Variants in CYP7B1 observed in about 807,000 individuals in gnomAD.
The protein encoded by CYP7B1 is cytochrome P450 7B1.
In CYP7B1, 29 loss-of-function variants were observed where a neutral mutation model predicts 42.7. The observed-to-expected ratio is 0.68, with a 90% CI of 0.51 to 0.93. CYP7B1 has a LOEUF of 0.93. CYP7B1 is among the 40% of genes least tolerant of loss of function. The pLI is 0.00. For synonymous variants in CYP7B1, 235 were observed against 218.2 expected (o/e 1.08, Z -0.68); for missense variants, 655 against 600.5 (o/e 1.09, Z -0.95).
chr8:64,753,032 A>G (rs1182136233), intron 1 of CYP7B1, among the ~76,000 whole-genome samples: 4 of 152,178 alleles, frequency 2.6e-5, no homozygotes, highest in African/African-American at 9.7e-5. Context: ...AAGAGTGTGC[A>G]AAAATTAAAG....
At chr8:64,726,514 G>T (rs780746026) in intron 1 of CYP7B1, among the ~76,000 whole-genome samples, 14 of 152,146 alleles carry the variant, frequency 9.2e-5, no homozygotes, top group Non-Finnish European at 1.6e-4. Context: ...CTAGATTGAA[G>T]TCAGGGTTGC....
downstream of CYP7B1, among the ~76,000 whole-genome samples, chr8:64,588,839 G>T (rs1001795401): frequency 1.1e-4 from 17 of 152,226 alleles, no homozygotes; most frequent in Non-Finnish European, 2.4e-4. Flanking sequence ...GAAAGGAAAT[G>T]ATTTTCCTAA....
chr8:64,745,868 A>G (rs1241301341), intron 1 of CYP7B1, among the ~76,000 whole-genome samples: 2 of 152,160 alleles, frequency 1.3e-5, no homozygotes, highest in African/African-American at 4.8e-5. Context: ...CTTAGAAACA[A>G]TGGGCTGGTT....
chr8:64,706,385 A>G (rs977724128), intron 1 of CYP7B1, among the ~76,000 whole-genome samples: 1 of 152,040 alleles, frequency 6.6e-6, no homozygotes, highest in Middle Eastern at 3.2e-3. Context: ...TCCTGAAACA[A>G]TCATTCTTTC....
intron 1 of CYP7B1, among the ~76,000 whole-genome samples, chr8:64,737,498 C>T (rs1288627869): frequency 6.6e-6 from 1 of 152,152 alleles, no homozygotes; most frequent in Admixed American, 6.5e-5. Context: ...CATAATCCAG[C>T]TTTTTCATCC....
intron 1 of CYP7B1, among the ~76,000 whole-genome samples, chr8:64,761,995 A>G (rs1807898015): frequency 6.6e-6 from 1 of 152,220 alleles, no homozygotes; most frequent in Non-Finnish European, 1.5e-5. Flanking sequence ...GGCATGTTCC[A>G]AAGTTGAAGT....
intron 4 of CYP7B1, 75 bp from the exon 5 acceptor site, chr8:64,604,932 C>G: frequency 6.9e-7 from 1 of 1,455,620 alleles, no homozygotes; most frequent in Non-Finnish European, 9.4e-7. Context: ...TGCAATAAAA[C>G]TCATTACTAA....
chr8:64,730,117 A>T (rs1189324757), intron 1 of CYP7B1, among the ~76,000 whole-genome samples: 1 of 152,198 alleles, frequency 6.6e-6, no homozygotes, highest in Non-Finnish European at 1.5e-5. Flanking sequence ...GCTGGAATGC[A>T]GTGGTACCAT....
intron 1 of CYP7B1, among the ~76,000 whole-genome samples, chr8:64,683,637 G>C (rs1171979650): frequency 6.6e-6 from 1 of 152,128 alleles, no homozygotes; most frequent in Non-Finnish European, 1.5e-5. Context: ...AGTGATGCTT[G>C]AGGAGATGGA....
intron 1 of CYP7B1, among the ~76,000 whole-genome samples, chr8:64,691,005 T>C (rs1416474863): frequency 6.6e-6 from 1 of 152,208 alleles, no homozygotes; most frequent in Non-Finnish European, 1.5e-5. Context: ...TTCTGTTCTA[T>C]AACGCTCTGG....
chr8:64,655,316 G>A (rs1806105252), intron 1 of CYP7B1, among the ~76,000 whole-genome samples: 1 of 151,862 alleles, frequency 6.6e-6, no homozygotes, highest in Non-Finnish European at 1.5e-5. Flanking sequence ...AAACAGACAA[G>A]CTTACAAAAG....
intron 1 of CYP7B1, among the ~76,000 whole-genome samples, chr8:64,681,813 T>TC (rs1806542915): frequency 6.6e-6 from 1 of 152,176 alleles, no homozygotes; most frequent in Non-Finnish European, 1.5e-5. Context: ...GCTCAGCCTT[T>TC]CCCAGATTCT....
intron 1 of CYP7B1, among the ~76,000 whole-genome samples, chr8:64,675,549 TTTC>T (rs1806433622): frequency 6.6e-6 from 1 of 151,554 alleles, no homozygotes; most frequent in Admixed American, 6.6e-5. Context: ...TACATTGAAA[TTTC>T]TTCTTTATTA....
intron 1 of CYP7B1, among the ~76,000 whole-genome samples, chr8:64,684,160 T>A (rs1806584828): frequency 6.6e-6 from 1 of 152,292 alleles, no homozygotes; most frequent in Non-Finnish European, 1.5e-5. Context: ...ATTCAGCAAA[T>A]AATTGTTAAA....
intron 2 of CYP7B1, among the ~76,000 whole-genome samples, chr8:64,618,565 T>G (rs545610055): frequency 7.0e-5 from 10 of 141,882 alleles, no homozygotes; most frequent in Non-Finnish European, 1.6e-4. Context: ...ATACACACAT[T>G]CATTTTCTCT....
intron 1 of CYP7B1, among the ~76,000 whole-genome samples, chr8:64,696,657 A>G (rs949221633): frequency 3.3e-5 from 5 of 152,140 alleles, no homozygotes; most frequent in African/African-American, 4.8e-5. Flanking sequence ...CTTAGCATTG[A>G]TTTGTGACTG....
chr8:64,756,600 TA>T (rs1807811940), intron 1 of CYP7B1, among the ~76,000 whole-genome samples: 1 of 152,156 alleles, frequency 6.6e-6, no homozygotes, highest in African/African-American at 2.4e-5. Flanking sequence ...AAGATTCTGC[TA>T]AATGCTGAGA....
chr8:64,729,159 C>T (rs1160832263), intron 1 of CYP7B1, among the ~76,000 whole-genome samples: 1 of 152,158 alleles, frequency 6.6e-6, no homozygotes, highest in Non-Finnish European at 1.5e-5. Flanking sequence ...TACCCTGTCT[C>T]AGAAAAACTG....
At chr8:64,587,438 G>T (rs1249929663), downstream of CYP7B1, among the ~76,000 whole-genome samples, 1 of 152,202 alleles carries the variant, frequency 6.6e-6, no homozygotes, top group Non-Finnish European at 1.5e-5. Flanking sequence ...AGGGTGGCTC[G>T]AGGATCGGGT....
Sources: allele counts gnomAD v4.1 joint callset (sites outside exome capture counted in the v4.1 genomes callset), GRCh38; gene constraint gnomAD v4.1.1; transcripts MANE v1.5; gene names NCBI Gene and HGNC (gene_info 2026-07-23, HGNC 2026-07-21).